The following BPNT2 variants were observed in gnomAD, a reference collection of about 807,000 sequenced individuals.
The protein encoded by BPNT2 is 3'(2'), 5'-bisphosphate nucleotidase 2.
In BPNT2, 11 loss-of-function variants were observed where a neutral mutation model predicts 29.3. The ratio of observed to expected loss-of-function variants is 0.38; its 90% CI spans 0.24 to 0.62. The LOEUF is 0.62. Among genes scored for constraint, BPNT2 ranks in the 20% least tolerant of loss-of-function variants. BPNT2 has a pLI of 0.62. For synonymous variants in BPNT2, 195 were observed against 187.7 expected (o/e 1.04, Z -0.32); for missense variants, 459 against 473.4 (o/e 0.97, Z 0.28).
chr8:56,980,819 T>TACACACACACACACACACACAC (rs71258552), intron 1 of BPNT2, among the ~76,000 whole-genome samples: 1 of 141,510 alleles, frequency 7.1e-6, no homozygotes, highest in African/African-American at 2.6e-5. Flanking sequence ...TACATACATA[T>TACACACACACACACACACACAC]ACACACACAC....
At chr8:56,985,833 G>A (rs1267593389) in intron 1 of BPNT2, among the ~76,000 whole-genome samples, 1 of 152,202 alleles carries the variant, frequency 6.6e-6, no homozygotes, top group Non-Finnish European at 1.5e-5. Context: ...AGAGGCAAAT[G>A]AGAGTGATTC....
intron 1 of BPNT2, among the ~76,000 whole-genome samples, chr8:56,988,981 G>A (rs1305889691): frequency 1.3e-5 from 2 of 151,910 alleles, no homozygotes; most frequent in Non-Finnish European, 2.9e-5. Context: ...CCTGAAAAAG[G>A]GCCTCCTAAC....
chr8:56,986,928 A>G (rs1563411531), intron 1 of BPNT2, among the ~76,000 whole-genome samples: 1 of 152,210 alleles, frequency 6.6e-6, no homozygotes, highest in African/African-American at 2.4e-5. Flanking sequence ...GGTTCTTAAG[A>G]CAAGTTTGTC....
intron 1 of BPNT2, among the ~76,000 whole-genome samples, chr8:56,980,841 C>T (rs1376081981): frequency 1.3e-5 from 2 of 150,678 alleles, no homozygotes; most frequent in African/African-American, 4.9e-5. Flanking sequence ...CACACACACA[C>T]ACACACACAC....
At chr8:56,973,162 G>C (rs149313671) in intron 3 of BPNT2, among the ~76,000 whole-genome samples, 82 of 152,222 alleles carry the variant, frequency 5.4e-4, no homozygotes, top group Middle Eastern at 6.8e-3. Context: ...GCCAGTAAGG[G>C]ACTGCCTTTT....
At chr8:56,985,895 T>C (rs995306127) in intron 1 of BPNT2, among the ~76,000 whole-genome samples, 2 of 152,188 alleles carry the variant, frequency 1.3e-5, no homozygotes, top group Non-Finnish European at 1.5e-5. Flanking sequence ...TGGACAAAAA[T>C]GTGAATGCGC....
chr8:56,980,733 G>C (rs1445190332), intron 1 of BPNT2, among the ~76,000 whole-genome samples: 2 of 149,086 alleles, frequency 1.3e-5, no homozygotes, highest in Non-Finnish European at 3.0e-5. Context: ...ATAAGTAGAG[G>C]AAGGGTTGTT....
At position 56,966,162 on chromosome 8, in the gene BPNT2, C is replaced by T. The variant is rs375502874; in HGVS notation, c.808+29G>A. On this transcript the variant is annotated intron_variant, in intron 4 of 4. Coordinates refer to ENST00000262644, the MANE Select transcript of BPNT2 (RefSeq NM_017813.5). ...GCCTTGACCATGCCAGGAACATTCTCCAGGGACCACACAGGAAGAGGAACA... is the reference window on the plus strand; with the variant it reads ...GCCTTGACCATGCCAGGAACATTCTTCAGGGACCACACAGGAAGAGGAACA... 9.3e-6 allele frequency: 15 copies of T among 1,612,902 alleles called. No individual in the cohort carries two copies. In the African/African-American group the frequency reaches 2.0e-4, roughly 21 times the overall value.
Position 56,993,632 on chromosome 8 carries a change from AG to A in BPNT2, c.-48del. 4.8e-6 allele frequency: 6 copies of A among 1,256,132 alleles called. No homozygotes were observed. Among genetic ancestry groups the A allele is most frequent in the Non-Finnish European group, 6.0e-6 (6 of 1,001,380 alleles). 77.8% of individuals were successfully genotyped at this position (1,256,132 alleles called of 1,614,324 possible). A position where few individuals can be genotyped will look rare whatever the true frequency, so the allele number is the denominator to read the frequency against. On this transcript the variant is annotated 5_prime_UTR_variant, in exon 1 of 5. Coordinates refer to ENST00000262644, the MANE Select transcript of BPNT2 (RefSeq NM_017813.5). ...CGGGCTGCGGCTCTCACAGGCCTCC[AG>A]CGCCCGCCGCCGCCGCCGCCGCAGC...
At chr8:56,969,397 A>G (rs1244858255) in intron 3 of BPNT2, among the ~76,000 whole-genome samples, 1 of 152,202 alleles carries the variant, frequency 6.6e-6, no homozygotes, top group Non-Finnish European at 1.5e-5. Context: ...GGTGACTGAG[A>G]AACTCTTAGC....
intron 4 of BPNT2, 106 bp from the exon 5 acceptor site, chr8:56,964,170 G>A: frequency 3.8e-6 from 3 of 784,106 alleles, no homozygotes; most frequent in Non-Finnish European, 6.2e-6. Context: ...GAGTGTGCAG[G>A]AGCTTGCTGC....
intron 2 of BPNT2, 146 bp from the exon 3 acceptor site, chr8:56,978,291 C>G: frequency 1.5e-6 from 1 of 680,218 alleles, no homozygotes; most frequent in Non-Finnish European, 2.6e-6. Context: ...CAAACAGAGT[C>G]TGAGGGCAAG....
At chr8:56,977,932 T>C in intron 3 of BPNT2, 118 bp downstream of exon 3, 1 of 750,186 alleles carries the variant, frequency 1.3e-6, no homozygotes, top group South Asian at 1.4e-5. Context: ...GTTTTTTTCT[T>C]ACAGCAGCCC....
In BPNT2 at chr8:56,958,900, G is replaced by A. The variant is rs960149939; in HGVS notation, c.*4893C>T. 2.0e-5 allele frequency: 3 copies of A among 152,188 alleles called. No individual in the cohort carries two copies. Among genetic ancestry groups the A allele is most frequent in the African/African-American group, 7.2e-5 (3 of 41,436 alleles). 9.4% of individuals were successfully genotyped at this position (152,188 alleles called of 1,614,324 possible). ...TAACACGAGAATAAGAAAGGTGGCT[G>A]AAGTAGATAATTTCAGTGACGGAGG... On this transcript the variant is annotated 3_prime_UTR_variant, in exon 5 of 5. Coordinates refer to ENST00000262644, the MANE Select transcript of BPNT2 (RefSeq NM_017813.5).
In BPNT2 at chr8:56,960,536, A is replaced by G. The variant is rs777113541; in HGVS notation, c.*3257T>C. On this transcript the variant is annotated 3_prime_UTR_variant, in exon 5 of 5. Coordinates refer to ENST00000262644, the MANE Select transcript of BPNT2 (RefSeq NM_017813.5). The stretch of plus-strand genomic sequence containing the variant: ...GTTACTTCATTATATAGTATAAACA[A>G]TCAACTGAATAATTACTGATTTAAA... 1.4e-4 allele frequency: 22 copies of G among 152,256 alleles called. No individual in the cohort carries two copies. Among genetic ancestry groups the G allele is most frequent in the Non-Finnish European group, 2.9e-4 (20 of 68,048 alleles). 9.4% of individuals were successfully genotyped at this position (152,256 alleles called of 1,614,324 possible).
Position 56,961,492 on chromosome 8 carries a change from T to C in BPNT2, c.*2301A>G, listed in dbSNP as rs956838751. ...ATATTATAAAAATAATGTATTTAAC[T>C]CTCAACCAATACCTTAAGTTTTGCA... On this transcript the variant is annotated 3_prime_UTR_variant, in exon 5 of 5. Coordinates refer to ENST00000262644, the MANE Select transcript of BPNT2 (RefSeq NM_017813.5). 1.3e-5 allele frequency: 2 copies of C among 152,142 alleles called. No homozygotes were observed. Among genetic ancestry groups the C allele is most frequent in the African/African-American group, 4.8e-5 (2 of 41,424 alleles). The allele number at this position is 152,142 out of a possible 1,614,324, so 9.4% of individuals were successfully genotyped here. A position where few individuals can be genotyped will look rare whatever the true frequency, so the allele number is the denominator to read the frequency against.
intron 4 of BPNT2, 94 bp downstream of exon 4, chr8:56,966,097 T>G: frequency 1.5e-6 from 2 of 1,379,116 alleles, no homozygotes; most frequent in Non-Finnish European, 2.1e-6. Flanking sequence ...CTCCTCACTT[T>G]CCTCCCAAGC....
At chr8:56,970,815 C>T (rs1464175866) in intron 3 of BPNT2, among the ~76,000 whole-genome samples, 1 of 151,904 alleles carries the variant, frequency 6.6e-6, no homozygotes, top group Non-Finnish European at 1.5e-5. Context: ...CTGTTATCAA[C>T]TGCTAAATCA....
chr8:56,964,700 A>G (rs912913628), intron 4 of BPNT2, among the ~76,000 whole-genome samples: 1 of 152,236 alleles, frequency 6.6e-6, no homozygotes. Flanking sequence ...ATGGAATGAC[A>G]CATTCATTAC....
Sources: allele counts gnomAD v4.1 joint callset (sites outside exome capture counted in the v4.1 genomes callset), GRCh38; gene constraint gnomAD v4.1.1; transcripts MANE v1.5; gene names NCBI Gene and HGNC (gene_info 2026-07-23, HGNC 2026-07-21).